MDM2: variants seen among roughly 807,000 people sequenced by gnomAD.
MDM2 encodes MDM2 proto-oncogene, also known as E3 ubiquitin-protein ligase Mdm2.
MDM2 carries 11 observed loss-of-function variants against 64.3 expected under a neutral mutation model. The ratio of observed to expected loss-of-function variants is 0.17; its 90% CI spans 0.11 to 0.28. The LOEUF (loss-of-function observed/expected upper bound fraction) is 0.28. Ranked by LOEUF, MDM2 falls within the 10% of genes least tolerant of loss-of-function variation. The probability of loss-of-function intolerance (pLI) is 1.00; values close to 1 mark genes in which losing one functional copy is unlikely to be tolerated. For synonymous variants in MDM2, 194 were observed against 192.9 expected (o/e 1.01, Z -0.05); for missense variants, 388 against 577.1 (o/e 0.67, Z 3.36).
rs2136178942 is a variant in MDM2 at position 68,839,621 on chromosome 12, G to A, written c.1266G>A (p.Arg422=). The A allele has an allele frequency of 2.5e-6, 4 of 1,613,218 alleles. No homozygotes were observed. Among genetic ancestry groups the A allele is most frequent in the Non-Finnish European group, 3.4e-6 (4 of 1,179,926 alleles). ...AAGAAGATGTGAAAGAGTTTGAAAGGGAAGAAACCCAAGACAAAGAAGAGA... is the reference window on the plus strand; with the variant it reads ...AAGAAGATGTGAAAGAGTTTGAAAGAGAAGAAACCCAAGACAAAGAAGAGA... ...SSQEDVKEFE[R]EETQDKEESV... is the part of the protein sequence containing the mutation. Residue 422 remains arginine (R), a synonymous_variant, in exon 11 of 11, where the codon AGG becomes AGA. Transcript: ENST00000258149.
intron 2 of MDM2, among the ~76,000 whole-genome samples, chr12:68,809,892 T>C (rs1187769933): frequency 2.0e-5 from 3 of 152,232 alleles, no homozygotes; most frequent in African/African-American, 7.2e-5. Flanking sequence ...AGCATGAGTA[T>C]ACCATTTTAA....
chr12:68,815,286 A>G (rs188363963), intron 3 of MDM2, among the ~76,000 whole-genome samples: 37 of 152,318 alleles, frequency 2.4e-4, no homozygotes, highest in Admixed American at 1.0e-3. Flanking sequence ...ATGCTAAACT[A>G]TGTAACAGTA....
At chr12:68,827,688 C>T (rs1420587841) in intron 7 of MDM2, among the ~76,000 whole-genome samples, 1 of 152,070 alleles carries the variant, frequency 6.6e-6, no homozygotes, top group Non-Finnish European at 1.5e-5. Flanking sequence ...ATCTTTAATC[C>T]ACCTGGAATT....
In MDM2 at chr12:68,842,359, A is replaced by C. The variant is rs1883842573; in HGVS notation, c.*2510A>C. 1 of 495,516 alleles carries C rather than the reference A, an allele frequency of 2.0e-6. No homozygotes were observed. The allele number at this position is 495,516 out of a possible 1,614,324, so 30.7% of individuals were successfully genotyped here. ...AAGAAAAGATGATATAACAGTTAAC[A>C]GGATGCAGACATGGCAGAGGTTTCC... is the stretch of plus-strand genomic sequence containing the variant. On this transcript the variant is annotated 3_prime_UTR_variant, in exon 11 of 11. Transcript: ENST00000258149.
rs1301977527 is a variant in MDM2 at position 68,842,339 on chromosome 12, A to C, written c.*2490A>C. On this transcript the variant is annotated 3_prime_UTR_variant, in exon 11 of 11. Transcript: ENST00000258149. ...AGGCAAAGGAACGCAGCTGGAAGAA[A>C]AGATGATATAACAGTTAACAGGATG... 4.0e-6 allele frequency: 2 copies of C among 495,768 alleles called. No individual in the cohort carries two copies. The highest frequency in any genetic ancestry group is 1.9e-5 in the African/African-American group (1 of 51,786). The allele number at this position is 495,768 out of a possible 1,614,324, so 30.7% of individuals were successfully genotyped here.
chr12:68,837,884 T>A (rs1883437249), intron 10 of MDM2, among the ~76,000 whole-genome samples: 1 of 152,202 alleles, frequency 6.6e-6, no homozygotes, highest in African/African-American at 2.4e-5. Context: ...AGTTACTAAT[T>A]ATTCAAGTGC....
At chr12:68,849,093 C>CT (rs796472865), downstream of MDM2, 747 of 130,688 alleles carry the variant, frequency 5.7e-3, 3 homozygotes, top group African/African-American at 0.013. Flanking sequence ...ACGGTAGACC[C>CT]TTTTTTTTTT....
intron 3 of MDM2, chr12:68,815,792 A>T (rs79248428): frequency 1.4e-5 from 3 of 207,172 alleles, no homozygotes; most frequent in African/African-American, 7.1e-5. Context: ...AAATATCAGA[A>T]TGAGATAATA....
intron 7 of MDM2, among the ~76,000 whole-genome samples, chr12:68,826,857 G>A (rs533894712): frequency 4.6e-5 from 7 of 151,998 alleles, no homozygotes; most frequent in African/African-American, 1.4e-4. Flanking sequence ...AAGAACTCAC[G>A]TGCAGAACTT....
rs869071116 is a variant in MDM2, at chr12:68,845,203, TATAAA to T, written c.*5356_*5360del. 4.6e-6 allele frequency: 1 copy of T among 217,334 alleles called. No homozygotes were observed. Among genetic ancestry groups the T allele is most frequent in the Admixed American group, 5.8e-5 (1 of 17,264 alleles). 13.5% of individuals were successfully genotyped at this position (217,334 alleles called of 1,614,324 possible). ...CTGAATTACATTTTGATTTGATACT[TATAAA>T]AAGAAAAAGTATTTCTTCAGCTTAA... is the stretch of plus-strand genomic sequence containing the variant. On this transcript the variant is annotated 3_prime_UTR_variant, in exon 11 of 11. Coordinates refer to ENST00000258149, the MANE Select transcript of MDM2 (RefSeq NM_002392.6).
chr12:68,826,932 C>G (rs541400551), intron 7 of MDM2, among the ~76,000 whole-genome samples: 2 of 152,128 alleles, frequency 1.3e-5, no homozygotes, highest in South Asian at 4.1e-4. Flanking sequence ...ATCCCAGCAC[C>G]TTGGGAGGCC....
Position 68,844,125 on chromosome 12 carries a change from G to T in MDM2, c.*4276G>T, listed in dbSNP as rs1884057878. Reference sequence around the variant, plus strand: ...AACATGTTTATGGGTTATTAAAATTGTCTGATTTCTTAGGTTCTTTATAGT... The same window carrying T: ...AACATGTTTATGGGTTATTAAAATTTTCTGATTTCTTAGGTTCTTTATAGT... On this transcript the variant is annotated 3_prime_UTR_variant, in exon 11 of 11. Coordinates refer to ENST00000258149, the MANE Select transcript of MDM2 (RefSeq NM_002392.6). 1 of 207,522 alleles carries T rather than the reference G, an allele frequency of 4.8e-6. No individual in the cohort carries two copies. The highest frequency in any genetic ancestry group is 6.0e-5 in the Admixed American group (1 of 16,784). 12.9% of individuals were successfully genotyped at this position (207,522 alleles called of 1,614,324 possible). A position where few individuals can be genotyped will look rare whatever the true frequency, so the allele number is the denominator to read the frequency against.
chr12:68,825,758 A>G (rs1882266537), intron 7 of MDM2, among the ~76,000 whole-genome samples: 1 of 152,244 alleles, frequency 6.6e-6, no homozygotes, highest in Non-Finnish European at 1.5e-5. Context: ...AGTAACTAAG[A>G]CCGTATGATT....
intron 10 of MDM2, among the ~76,000 whole-genome samples, chr12:68,839,059 T>G (rs1200215643): frequency 6.6e-6 from 1 of 151,970 alleles, no homozygotes; most frequent in African/African-American, 2.4e-5. Flanking sequence ...TTAAAATACC[T>G]AAAATCTATT....
At position 68,813,464 on chromosome 12, in the gene MDM2, C is replaced by T. The variant is rs529905993; in HGVS notation, c.100-90C>T. The stretch of plus-strand genomic sequence containing the variant: ...CTCCCCAGCATTTTTTCCAAATCCC[C>T]TTTATTGAACTTGATGGATATGTTT... On this transcript the variant is annotated intron_variant, in intron 2 of 10. Coordinates refer to ENST00000258149, the MANE Select transcript of MDM2 (RefSeq NM_002392.6). 4.9e-6 allele frequency: 4 copies of T among 822,600 alleles called. No individual in the cohort carries two copies. The South Asian group carries it at 5.0e-5, about 10-fold the overall frequency. 51.0% of individuals were successfully genotyped at this position (822,600 alleles called of 1,614,324 possible).
At chr12:68,824,477 TG>T (rs1882136048) in intron 6 of MDM2, 47 bp downstream of exon 6, 3 of 1,596,716 alleles carry the variant, frequency 1.9e-6, no homozygotes, top group Non-Finnish European at 2.6e-6. Context: ...ATTTGCAAAT[TG>T]GAAAGGTTAT....
Position 68,818,090 on chromosome 12 carries a change from G to A in MDM2, c.308+1145G>A, listed in dbSNP as rs1045776127. Among the ~76,000 whole-genome samples the A allele has an allele frequency of 3.3e-5, 5 of 152,188 alleles. No homozygotes were observed. In the Middle Eastern group the frequency reaches 0.01, roughly 311 times the overall value. On this transcript the variant is annotated intron_variant, in intron 4 of 10. Transcript: ENST00000258149. ...ATTACAGATGTGAGCAACCACACCC[G>A]GCCTACATTTGGAATTCTTTGTCAC... is the stretch of plus-strand genomic sequence containing the variant.
chr12:68,813,114 C>T (rs1191554895), intron 2 of MDM2, among the ~76,000 whole-genome samples: 2 of 152,130 alleles, frequency 1.3e-5, no homozygotes, highest in Non-Finnish European at 2.9e-5. Flanking sequence ...CTGATCTGTT[C>T]TTAATTACCC....
At chr12:68,824,870 C>T (rs1398492085) in intron 7 of MDM2, 1 of 494,696 alleles carries the variant, frequency 2.0e-6, no homozygotes, top group Non-Finnish European at 3.6e-6. Context: ...CTGTGCCCCA[C>T]TGGAGTTTAT....
Sources: gnomAD v4.1 joint callset for allele counts (sites outside exome capture counted in the v4.1 genomes callset) on GRCh38, gnomAD v4.1.1 for gene constraint, MANE v1.5 for transcripts, NCBI Gene and HGNC (gene_info 2026-07-23, HGNC 2026-07-21) for gene names.